The following SCOC variants were observed in gnomAD, a reference collection of about 807,000 sequenced individuals.
SCOC encodes short coiled-coil protein.
In SCOC, 7 loss-of-function variants were observed where a neutral mutation model predicts 9.9. The observed-to-expected ratio is 0.71, with a 90% CI of 0.40 to 1.33. The LOEUF is 1.33. Ranked by LOEUF, SCOC falls within the 40% of genes most tolerant of loss-of-function variation. The probability of loss-of-function intolerance (pLI) is 0.01; values close to 1 mark genes in which losing one functional copy is unlikely to be tolerated. For missense variants in SCOC, 66 were observed against 89.7 expected (o/e 0.74, Z 1.07); for synonymous variants, 19 against 28.2 (o/e 0.67, Z 1.03).
chr4:140,278,691 T>G (rs1023589509), intron 1 of SCOC, among the ~76,000 whole-genome samples: 2 of 152,176 alleles, frequency 1.3e-5, no homozygotes, highest in African/African-American at 4.8e-5. Flanking sequence ...TAGGTTTCAA[T>G]GTATACATTT....
intron 2 of SCOC, among the ~76,000 whole-genome samples, chr4:140,361,170 T>C (rs1727448683): frequency 6.6e-6 from 1 of 151,882 alleles, no homozygotes; most frequent in Admixed American, 6.6e-5. Context: ...GACAGACCTG[T>C]AGGGACAGGC....
At chr4:140,343,803 G>A in intron 2 of SCOC, 1 of 767,834 alleles carries the variant, frequency 1.3e-6, no homozygotes, top group Non-Finnish European at 2.0e-6. Flanking sequence ...TAATGATAAA[G>A]CATACTCATT....
chr4:140,349,025 T>G (rs1400689119), intron 2 of SCOC, among the ~76,000 whole-genome samples: 1 of 152,254 alleles, frequency 6.6e-6, no homozygotes, highest in African/African-American at 2.4e-5. Context: ...GAAACATCTA[T>G]TTAGGCTCAT....
chr4:140,276,267 G>C (rs557390159), intron 1 of SCOC, among the ~76,000 whole-genome samples: 4 of 152,222 alleles, frequency 2.6e-5, no homozygotes, highest in African/African-American at 9.6e-5. Context: ...CTCACAAAGT[G>C]CTGGGATTAC....
At chr4:140,365,327 T>C (rs181227624) in intron 2 of SCOC, among the ~76,000 whole-genome samples, 1 of 152,260 alleles carries the variant, frequency 6.6e-6, no homozygotes, top group Non-Finnish European at 1.5e-5. Context: ...AAAGAAGACA[T>C]AGAAGAGGCA....
At chr4:140,258,629 G>A (rs1730562871) in intron 1 of SCOC, among the ~76,000 whole-genome samples, 1 of 152,180 alleles carries the variant, frequency 6.6e-6, no homozygotes, top group South Asian at 2.1e-4. Flanking sequence ...TGTAGAAGCT[G>A]AAGAAGCGCT....
intron 1 of SCOC, among the ~76,000 whole-genome samples, chr4:140,263,437 C>T (rs917526591): frequency 1.3e-5 from 2 of 152,148 alleles, no homozygotes; most frequent in African/African-American, 2.4e-5. Context: ...CAGAGACTCT[C>T]CCTGAGCCAC....
chr4:140,344,036 T>C (rs1051867129), intron 2 of SCOC, among the ~76,000 whole-genome samples: 12 of 152,192 alleles, frequency 7.9e-5, no homozygotes, highest in Admixed American at 1.3e-4. Context: ...TCAATTATAG[T>C]CAGTTTCTTT....
chr4:140,282,438 C>T (rs933433673), intron 1 of SCOC, among the ~76,000 whole-genome samples: 18 of 152,274 alleles, frequency 1.2e-4, no homozygotes, highest in Middle Eastern at 3.4e-3. Context: ...TACTAATCTA[C>T]GCTTTGTTCT....
chr4:140,365,837 G>A (rs1347523630), intron 2 of SCOC, among the ~76,000 whole-genome samples: 7 of 152,100 alleles, frequency 4.6e-5, no homozygotes. Context: ...TACAAAATAT[G>A]TGTTAATTGA....
intron 1 of SCOC, among the ~76,000 whole-genome samples, chr4:140,332,359 C>CTTTTTTTTTTTTTTTTTTTTTTTTTT (rs70943486): frequency 1.3e-5 from 1 of 76,776 alleles, no homozygotes; most frequent in African/African-American, 4.0e-5. Context: ...CTGGAGTCAT[C>CTTTTTTTTTTTTTTTTTTTTTTTTTT]TTTTTTTTTT....
rs775200483 is a variant in SCOC, at chr4:140,379,662, C to G, written c.106+10C>G. 16 of 1,580,446 alleles carry G rather than the reference C, an allele frequency of 1.0e-5. No individual in the cohort carries two copies. The highest frequency in any genetic ancestry group is 1.4e-5 in the Non-Finnish European group (16 of 1,161,580). The stretch of plus-strand genomic sequence containing the variant: ...CAACACACACTTGAAGGTTGGCTTG[C>G]ATTTTGTAGTTTATTTGAATGACAG... On this transcript the variant is annotated intron_variant, in intron 3 of 3. Coordinates refer to ENST00000608372, the MANE Select transcript of SCOC (RefSeq NM_001153484.2).
At chr4:140,275,451 C>T (rs72714276) in intron 1 of SCOC, among the ~76,000 whole-genome samples, 156 of 152,322 alleles carry the variant, frequency 1.0e-3, no homozygotes, top group South Asian at 1.9e-3. Context: ...CTGTAACATC[C>T]GTCTTCCCCC....
intron 1 of SCOC, among the ~76,000 whole-genome samples, chr4:140,310,792 G>A (rs113319047): frequency 5.9e-5 from 9 of 152,316 alleles, no homozygotes; most frequent in African/African-American, 2.2e-4. Context: ...GAGGGTGGGT[G>A]TGTTTTGCCC....
At chr4:140,349,826 C>A (rs1726900410) in intron 2 of SCOC, among the ~76,000 whole-genome samples, 4 of 152,160 alleles carry the variant, frequency 2.6e-5, no homozygotes, top group Non-Finnish European at 5.9e-5. Context: ...TATCTTATTT[C>A]AAATTTTATC....
chr4:140,355,057 C>T (rs1727149745), intron 2 of SCOC, among the ~76,000 whole-genome samples: 1 of 151,462 alleles, frequency 6.6e-6, no homozygotes, highest in African/African-American at 2.4e-5. Context: ...AGGATGTTGC[C>T]AAAGGAGATT....
intron 1 of SCOC, among the ~76,000 whole-genome samples, chr4:140,303,687 T>C (rs1489935164): frequency 6.6e-6 from 1 of 152,194 alleles, no homozygotes; most frequent in Admixed American, 6.5e-5. Context: ...GCTGGAGCTA[T>C]GGGAACAATA....
chr4:140,320,279 C>T (rs1214430497), intron 1 of SCOC, among the ~76,000 whole-genome samples: 2 of 152,180 alleles, frequency 1.3e-5, no homozygotes, highest in African/African-American at 2.4e-5. Context: ...CAGGAAGTTA[C>T]CCTATATTGT....
At chr4:140,276,785 A>C (rs1233220073) in intron 1 of SCOC, among the ~76,000 whole-genome samples, 1 of 152,100 alleles carries the variant, frequency 6.6e-6, no homozygotes, top group East Asian at 1.9e-4. Context: ...CAAAAAAAAA[A>C]CCATGTCTGG....
Sources: gnomAD v4.1 joint callset for allele counts (sites outside exome capture counted in the v4.1 genomes callset) on GRCh38, gnomAD v4.1.1 for gene constraint, MANE v1.5 for transcripts, NCBI Gene and HGNC (gene_info 2026-07-23, HGNC 2026-07-21) for gene names.